Variants in FAM193A observed in about 807,000 individuals in gnomAD.
The protein encoded by FAM193A is protein FAM193A.
In FAM193A, 22 loss-of-function variants were observed where a neutral mutation model predicts 126.5. The ratio of observed to expected loss-of-function variants is 0.17; its 90% CI spans 0.12 to 0.25. The LOEUF is 0.25. Among genes scored for constraint, FAM193A ranks in the 10% least tolerant of loss-of-function variants. The pLI is 1.00. For synonymous variants in FAM193A, 761 were observed against 646.8 expected, an observed-to-expected ratio of 1.18 and a Z score of -2.68; for missense variants, 1,675 against 1,672.8, an observed-to-expected ratio of 1.00 and a Z score of -0.02.
chr4:2,550,772 T>G (rs28430603), intron 1 of FAM193A, among the ~76,000 whole-genome samples: 13 of 1,924 alleles, frequency 6.8e-3, no homozygotes, highest in African/African-American at 0.04. Context: ...AATTTATATT[T>G]TTATTTATTT....
intron 17 of FAM193A, chr4:2,696,125 C>T (rs778373255): frequency 1.9e-5 from 8 of 423,550 alleles, no homozygotes; most frequent in Non-Finnish European, 3.0e-5. Context: ...CATAGCTATA[C>T]ATGCTTTATC....
intron 12 of FAM193A, among the ~76,000 whole-genome samples, chr4:2,667,189 G>A (rs998120335): frequency 1.3e-5 from 2 of 152,198 alleles, no homozygotes; most frequent in Admixed American, 6.5e-5. Context: ...ATTGGTTGAT[G>A]GCATTCTTCA....
At chr4:2,648,676 G>A (rs1420222348) in intron 7 of FAM193A, among the ~76,000 whole-genome samples, 1 of 152,210 alleles carries the variant, frequency 6.6e-6, no homozygotes, top group Non-Finnish European at 1.5e-5. Context: ...GCCATGTGGG[G>A]GCAGCACAGC....
intron 20 of FAM193A, among the ~76,000 whole-genome samples, chr4:2,720,738 A>G (rs1265407621): frequency 6.6e-6 from 1 of 152,214 alleles, no homozygotes; most frequent in Admixed American, 6.5e-5. Context: ...AATAGCACCA[A>G]AATCTCTCAC....
chr4:2,604,912 C>G lies in FAM193A; in HGVS notation c.501+8583C>G, dbSNP rs566182041. ...TCCTGGGCTCAAGTGATTCTCCCAG[C>G]TTAGCCTCCTGAGTAGCTGGGATTA... is the stretch of plus-strand genomic sequence containing the variant. On this transcript the variant is annotated intron_variant, in intron 2 of 20. Transcript: ENST00000637812. 6.7e-5 allele frequency among the ~76,000 whole-genome samples: 10 copies of G among 149,472 alleles called. No individual in the cohort carries two copies. In the East Asian group the frequency reaches 2.0e-3, roughly 29 times the overall value.
At chr4:2,568,406 G>T (rs1448538406) in intron 1 of FAM193A, among the ~76,000 whole-genome samples, 3 of 152,202 alleles carry the variant, frequency 2.0e-5, no homozygotes, top group Non-Finnish European at 4.4e-5. Flanking sequence ...TGTAGTACCA[G>T]CTGCTCAGGA....
At chr4:2,568,547 A>T (rs1425695612) in intron 1 of FAM193A, among the ~76,000 whole-genome samples, 2 of 152,090 alleles carry the variant, frequency 1.3e-5, no homozygotes, top group Admixed American at 6.6e-5. Context: ...TTAACATCAT[A>T]TTTGGGTCTG....
chr4:2,559,462 G>C (rs2108836495), intron 1 of FAM193A, among the ~76,000 whole-genome samples: 1 of 152,198 alleles, frequency 6.6e-6, no homozygotes, highest in Non-Finnish European at 1.5e-5. Context: ...ACAGGGTCTT[G>C]CTCTGTCACC....
rs866790792 is a variant in FAM193A, at chr4:2,575,705, G to A, written c.256-20379G>A. On this transcript the variant is annotated intron_variant, in intron 1 of 20. Transcript: ENST00000637812. The stretch of plus-strand genomic sequence containing the variant: ...TGGTCTTGAACTCCTGACCTCAGGG[G>A]ATCTGCCTGCCTCGGCCTCCCAAAG... Among the ~76,000 whole-genome samples the A allele has an allele frequency of 2.0e-5, 3 of 152,052 alleles. No homozygotes were observed. The Middle Eastern group carries it at 0.01, about 517-fold the overall frequency.
intron 8 of FAM193A, among the ~76,000 whole-genome samples, chr4:2,658,393 C>T (rs1305379936): frequency 6.6e-6 from 1 of 152,122 alleles, no homozygotes; most frequent in Non-Finnish European, 1.5e-5. Context: ...GGTGCCTCCT[C>T]CAGGCAGGCT....
intron 6 of FAM193A, 97 bp from the exon 7 acceptor site, chr4:2,646,588 T>C: frequency 2.3e-6 from 3 of 1,319,526 alleles, no homozygotes; most frequent in Non-Finnish European, 3.1e-6. Context: ...GGAGGCGAGA[T>C]GACAAAGCAG....
intron 2 of FAM193A, among the ~76,000 whole-genome samples, chr4:2,617,795 A>G (rs903447246): frequency 2.6e-5 from 4 of 152,200 alleles, no homozygotes; most frequent in African/African-American, 9.7e-5. Context: ...TATACACCTC[A>G]GCATACATTG....
intron 1 of FAM193A, among the ~76,000 whole-genome samples, chr4:2,584,902 C>A (rs561061854): frequency 1.3e-5 from 2 of 151,546 alleles, no homozygotes; most frequent in African/African-American, 4.8e-5. Context: ...TCCAGCCTGG[C>A]GACAGAGCAA....
At chr4:2,591,386 C>T (rs929955184) in intron 1 of FAM193A, among the ~76,000 whole-genome samples, 3 of 152,028 alleles carry the variant, frequency 2.0e-5, no homozygotes, top group African/African-American at 7.2e-5. Context: ...CAGGAACAAT[C>T]GAAGGGTTTA....
Position 2,693,601 on chromosome 4 carries a change from G to T in FAM193A, c.2819G>T (p.Gly940Val). 6.2e-7 allele frequency: 1 copy of T among 1,610,222 alleles called. No individual in the cohort carries two copies. Among genetic ancestry groups the T allele is most frequent in the Non-Finnish European group, 8.5e-7 (1 of 1,176,884 alleles). The change falls in exon 16 of 21, where the codon GGC (glycine) becomes GTC (valine). Residue 940 changes from glycine (G) to valine (V), a missense_variant. By Grantham distance (109) the Gly-to-Val change is moderately radical. Around this residue, in one of 4 missense-constraint regions of FAM193A, gnomAD observed 1,186 missense variants for 1,109.2 expected, o/e 1.07. Coordinates refer to ENST00000637812, the MANE Select transcript of FAM193A (RefSeq NM_001366318.2). The part of the protein sequence containing the change: ...RPPSVGDVFH[G>V]ISKEDHRHSA... ...CTAAATGCAGGTGACGTGTTTCATG[G>T]CATCAGCAAGGAGGACCACAGACAC...
intron 12 of FAM193A, among the ~76,000 whole-genome samples, chr4:2,664,181 C>T (rs1409295128): frequency 6.6e-6 from 1 of 152,164 alleles, no homozygotes; most frequent in African/African-American, 2.4e-5. Flanking sequence ...TCCAAGAAAA[C>T]TTTGCCTAAC....
intron 5 of FAM193A, among the ~76,000 whole-genome samples, chr4:2,638,194 T>C (rs1577114070): frequency 1.3e-5 from 2 of 152,352 alleles, no homozygotes; most frequent in East Asian, 3.9e-4. Flanking sequence ...ATGTACTCTT[T>C]GTCTTGTAGC....
intron 1 of FAM193A, among the ~76,000 whole-genome samples, chr4:2,546,462 C>T (rs1229313917): frequency 6.6e-6 from 1 of 152,118 alleles, no homozygotes; most frequent in Non-Finnish European, 1.5e-5. Context: ...TACTGTGTTG[C>T]TTGGTATGAT....
chr4:2,681,053 G>A (rs920308731), intron 13 of FAM193A, among the ~76,000 whole-genome samples: 4 of 152,086 alleles, frequency 2.6e-5, no homozygotes, highest in African/African-American at 7.2e-5. Flanking sequence ...GCAGTAGCAC[G>A]ATCATAGCTC....
Sources: allele counts gnomAD v4.1 joint callset (sites outside exome capture counted in the v4.1 genomes callset), GRCh38; gene constraint gnomAD v4.1.1; regional missense constraint gnomAD v4.1.1; transcripts MANE v1.5; gene names NCBI Gene and HGNC (gene_info 2026-07-23, HGNC 2026-07-21).